ZNF324B: variants seen among roughly 807,000 people sequenced by gnomAD.
ZNF324B encodes the protein zinc finger protein 324B.
Under a neutral mutation model 10.6 loss-of-function variants are expected in ZNF324B, and 7 were observed. The ratio of observed to expected loss-of-function variants is 0.66; its 90% CI spans 0.38 to 1.24. The LOEUF is 1.24. Among genes scored for constraint, ZNF324B ranks in the 50% most tolerant of loss-of-function variants. The probability of loss-of-function intolerance (pLI) is 0.02; values close to 1 mark genes in which losing one functional copy is unlikely to be tolerated. For synonymous variants in ZNF324B, 316 were observed against 321.0 expected (o/e 0.98, Z 0.17); for missense variants, 640 against 764.7 (o/e 0.84, Z 1.92).
chr19:58,440,396 A>C, the ZNF324B span: 1 of 153,972 alleles, frequency 6.5e-6, no homozygotes, highest in South Asian at 1.7e-4. Context: ...AGCCGAGGAG[A>C]CAGGCACTTC....
the ZNF324B span, chr19:58,445,232 C>G: frequency 3.0e-6 from 1 of 335,710 alleles, no homozygotes. Flanking sequence ...ATCAGAGAGG[C>G]CCAGTGCATG....
At chr19:58,435,418 C>T in the ZNF324B span, 4 of 569,068 alleles carry the variant, frequency 7.0e-6, no homozygotes, top group Non-Finnish European at 6.1e-6. Context: ...GAGACCTCAC[C>T]AGGGGTAAGG....
chr19:58,453,596 G>A, intron 1 of ZNF324B, 100 bp from the exon 2 acceptor site: 3 of 1,522,462 alleles, frequency 2.0e-6, no homozygotes, highest in Non-Finnish European at 2.7e-6. Context: ...ACCCAAGGAA[G>A]GAGGGACACT....
At chr19:58,451,415 C>G (rs2052854776), upstream of ZNF324B, among the ~76,000 whole-genome samples, 1 of 152,276 alleles carries the variant, frequency 6.6e-6, no homozygotes, top group South Asian at 2.1e-4. Context: ...TGCCACGGAG[C>G]CCTTGGAAAC....
At chr19:58,432,225 T>C in the ZNF324B span, 8 of 480,920 alleles carry the variant, frequency 1.7e-5, no homozygotes, top group South Asian at 7.7e-5. Context: ...TCCCAGTTCC[T>C]ACCTGGGGAG....
In ZNF324B at chr19:58,454,348, A is replaced by C. The variant is rs756287226; in HGVS notation, c.238+4A>C. The C allele has an allele frequency of 1.2e-6, 2 of 1,601,930 alleles. No homozygotes were observed. The highest frequency in any genetic ancestry group is 1.7e-4 in the Middle Eastern group (1 of 6,040). On this transcript the variant is annotated splice_donor_region_variant and intron_variant, in intron 3 of 3. Coordinates refer to ENST00000336614, the MANE Select transcript of ZNF324B (RefSeq NM_207395.3). ...ACCTACGGGAGGCTCAACTCTGGTG[A>C]GTGGGAGCTCAGGTGGGGTGAACTA...
the ZNF324B span, among the ~76,000 whole-genome samples, chr19:58,427,349 C>CTTTCTTTCCTT: frequency 1.0e-3 from 58 of 56,010 alleles, no homozygotes; most frequent in East Asian, 4.4e-3. Context: ...CTTTCTCTTT[C>CTTTCTTTCCTT]CTTTCTTTCT....
chr19:58,437,149 C>A, the ZNF324B span: 1 of 1,614,108 alleles, frequency 6.2e-7, no homozygotes, highest in South Asian at 1.1e-5. Flanking sequence ...AAGTATACAG[C>A]CACATCTTCA....
At chr19:58,419,818 G>C in the ZNF324B span, among the ~76,000 whole-genome samples, 1 of 152,082 alleles carries the variant, frequency 6.6e-6, no homozygotes, top group African/African-American at 2.4e-5. Context: ...CAGATCTTGC[G>C]GTTTATGGGA....
At chr19:58,421,334 T>C in the ZNF324B span, among the ~76,000 whole-genome samples, 27,082 of 152,144 alleles carry the variant, frequency 0.18, 2,647 homozygotes, top group Non-Finnish European at 0.22. Context: ...AGGATATTGA[T>C]CACCTTGCTG....
the ZNF324B span, chr19:58,442,508 T>G: frequency 6.5e-6 from 1 of 153,214 alleles, no homozygotes; most frequent in Non-Finnish European, 1.5e-5. Flanking sequence ...TGTCCGGAGT[T>G]TGTTCCTTCA....
the ZNF324B span, among the ~76,000 whole-genome samples, chr19:58,424,881 C>T: frequency 6.6e-6 from 1 of 151,984 alleles, no homozygotes; most frequent in Admixed American, 6.6e-5. Context: ...AAGTATCTAC[C>T]CAAGAGAATT....
chr19:58,434,502 A>T, the ZNF324B span: 8 of 1,614,182 alleles, frequency 5.0e-6, no homozygotes, highest in Non-Finnish European at 6.8e-6. Flanking sequence ...ATTTTACTTC[A>T]GTGTGAAATT....
the ZNF324B span, among the ~76,000 whole-genome samples, chr19:58,424,778 G>T: frequency 3.9e-5 from 6 of 152,030 alleles, no homozygotes; most frequent in Non-Finnish European, 8.8e-5. Flanking sequence ...TCCAGCCTGG[G>T]CAACATAGCC....
chr19:58,447,853 C>A (rs1281139840), upstream of ZNF324B, among the ~76,000 whole-genome samples: 1 of 152,222 alleles, frequency 6.6e-6, no homozygotes, highest in Admixed American at 6.5e-5. Flanking sequence ...TTTCCCCACA[C>A]TGTTCTCGTG....
the ZNF324B span, chr19:58,439,811 G>C: frequency 6.5e-7 from 1 of 1,545,232 alleles, no homozygotes; most frequent in Non-Finnish European, 8.7e-7. Context: ...CTGTGGGCTG[G>C]GCAGGGCCAT....
Position 58,456,522 on chromosome 19 carries a change from T to C in ZNF324B, c.1578T>C (p.His526=). Residue 526 remains histidine (H), a synonymous_variant, in exon 4 of 4, where the codon CAT becomes CAC. Coordinates refer to ENST00000336614, the MANE Select transcript of ZNF324B (RefSeq NM_207395.3). The surrounding 1 kb of genome is among the most constrained non-coding windows in gnomAD (Gnocchi z 4.7). The part of the protein sequence containing the change: ...TPGPGFLQGH[H]RKVRRGGKPS... The stretch of plus-strand genomic sequence containing the variant: ...GGCCAGGTTTCCTTCAGGGACATCA[T>C]CGGAAGGTGCGCCGGGGAGGGAAGC... 1 of 1,614,072 alleles carries C rather than the reference T, an allele frequency of 6.2e-7. No homozygotes were observed. The highest frequency in any genetic ancestry group is 8.5e-7 in the Non-Finnish European group (1 of 1,179,986).
rs755799741 is a variant in ZNF324B, at chr19:58,455,315, G to A, written c.371G>A (p.Arg124Gln). ...TGCCACAGTGTAAAAAGCCTGCAGC[G>A]ACAACCGGGTGCCTCCCCATCTCAG... ...DACHSVKSLQ[R>Q]QPGASPSQER... Residue 124 changes from arginine to glutamine, a missense_variant, in exon 4 of 4, where the codon CGA becomes CAA. By Grantham distance (43) the Arg-to-Gln change is conservative. Around this residue, in one of 3 missense-constraint regions of ZNF324B, gnomAD observed 345 missense variants for 387.9 expected, o/e 0.89. Transcript: ENST00000336614. The surrounding 1 kb of genome is among the most constrained non-coding windows in gnomAD (Gnocchi z 7.0). The A allele has an allele frequency of 6.8e-6, 11 of 1,614,210 alleles. No homozygotes were observed. The highest frequency in any genetic ancestry group is 9.3e-6 in the Non-Finnish European group (11 of 1,180,034).
chr19:58,433,707 G>C, the ZNF324B span: 2 of 1,612,580 alleles, frequency 1.2e-6, no homozygotes, highest in South Asian at 2.2e-5. Flanking sequence ...TTTGGCTAAA[G>C]AATTTCCCAC....
Sources: gnomAD v4.1 joint callset for allele counts (sites outside exome capture counted in the v4.1 genomes callset) on GRCh38, gnomAD v4.1.1 for gene constraint, gnomAD v4.1.1 regional missense constraint, Gnocchi (gnomAD v3.1) non-coding constraint, MANE v1.5 for transcripts, NCBI Gene and HGNC (gene_info 2026-07-23, HGNC 2026-07-21) for gene names.